Variants in PTPN1 observed in about 807,000 individuals in gnomAD.
PTPN1 encodes the protein protein tyrosine phosphatase non-receptor type 1.
Under a neutral mutation model 59.9 loss-of-function variants are expected in PTPN1, and 12 were observed. That is an observed-to-expected ratio of 0.20 (90% CI 0.13 to 0.32). PTPN1 has a LOEUF of 0.32. PTPN1 is among the 10% of genes least tolerant of loss of function. The pLI, the probability that PTPN1 is intolerant of heterozygous loss-of-function variation, is 1.00. For missense variants in PTPN1, 356 were observed against 549.2 expected, an observed-to-expected ratio of 0.65 and a Z score of 3.52; for synonymous variants, 178 against 203.6, an observed-to-expected ratio of 0.87 and a Z score of 1.07.
chr20:50,564,943 CCT>C lies in PTPN1; in HGVS notation c.155-23_155-22del, dbSNP rs556411617. 103 of 1,612,472 alleles carry C rather than the reference CCT, an allele frequency of 6.4e-5. No homozygotes were observed. The African/African-American group carries it at 1.2e-3, about 18-fold the overall frequency. Reference sequence around the variant, plus strand: ...ACACATTCAGCTTTTCCGGGATTAACCTCTGAGTTCTGGTTTGTCTTTCAGTT... The same window carrying C: ...ACACATTCAGCTTTTCCGGGATTAACCTGAGTTCTGGTTTGTCTTTCAGTT... On this transcript the variant is annotated intron_variant, in intron 2 of 9. Coordinates refer to ENST00000371621, the MANE Select transcript of PTPN1 (RefSeq NM_002827.4).
At chr20:50,567,928 CTG>C (rs2082786798) in intron 3 of PTPN1, among the ~76,000 whole-genome samples, 2 of 152,174 alleles carry the variant, frequency 1.3e-5, no homozygotes, top group African/African-American at 4.8e-5. Flanking sequence ...GATGGGGAAA[CTG>C]GGGCAGGGAG....
At chr20:50,524,066 C>T (rs1394762655) in intron 1 of PTPN1, among the ~76,000 whole-genome samples, 1 of 152,202 alleles carries the variant, frequency 6.6e-6, no homozygotes, top group Non-Finnish European at 1.5e-5. Context: ...TTTTTCCTCT[C>T]TTCCTTTTCA....
At chr20:50,541,688 T>C (rs959781429) in intron 1 of PTPN1, among the ~76,000 whole-genome samples, 1 of 152,084 alleles carries the variant, frequency 6.6e-6, no homozygotes, top group Non-Finnish European at 1.5e-5. Flanking sequence ...GCTTCTGAGG[T>C]TGCTCTAGCC....
Position 50,543,655 on chromosome 20 carries a change from C to T in PTPN1, c.64-17708C>T, listed in dbSNP as rs374520317. On this transcript the variant is annotated intron_variant, in intron 1 of 9. Coordinates refer to ENST00000371621, the MANE Select transcript of PTPN1 (RefSeq NM_002827.4). ...CACCTATTCTCAGCATAGTATGAGA[C>T]GTAAAGGCAATATAATGGGCATAGT... Among the ~76,000 whole-genome samples the T allele has an allele frequency of 1.9e-4, 29 of 152,026 alleles. No individual in the cohort carries two copies. The East Asian group carries it at 4.8e-3, about 25-fold the overall frequency.
At position 50,511,210 on chromosome 20, in the gene PTPN1, G is replaced by A. The variant is rs549177653; in HGVS notation, c.63+620G>A. On this transcript the variant is annotated intron_variant, in intron 1 of 9. Transcript: ENST00000371621. The stretch of plus-strand genomic sequence containing the variant: ...ACAGGCAAGATCCTAGCCTTAGTGG[G>A]GCCTAGAGTCGAATAGGGCAATCAA... Among the ~76,000 whole-genome samples the A allele has an allele frequency of 4.6e-5, 7 of 152,292 alleles. No homozygotes were observed. The East Asian group carries it at 1.4e-3, about 29-fold the overall frequency.
chr20:50,558,355 A>G (rs1050011533), intron 1 of PTPN1, among the ~76,000 whole-genome samples: 3 of 152,230 alleles, frequency 2.0e-5, no homozygotes, highest in Admixed American at 1.3e-4. Flanking sequence ...TACTTAACCC[A>G]GTTCATTCAA....
chr20:50,570,407 A>G (rs1182264173), intron 4 of PTPN1, among the ~76,000 whole-genome samples: 1 of 152,204 alleles, frequency 6.6e-6, no homozygotes, highest in East Asian at 1.9e-4. Flanking sequence ...GAGCTTGCCT[A>G]AGTGTTCTGT....
intron 1 of PTPN1, among the ~76,000 whole-genome samples, chr20:50,559,803 A>G (rs2082743409): frequency 1.3e-5 from 2 of 149,720 alleles, no homozygotes; most frequent in African/African-American, 4.9e-5. Flanking sequence ...TTTCTTTCTG[A>G]GTATATTAAT....
At chr20:50,548,083 T>G (rs1255736787) in intron 1 of PTPN1, among the ~76,000 whole-genome samples, 1 of 152,192 alleles carries the variant, frequency 6.6e-6, no homozygotes, top group Non-Finnish European at 1.5e-5. Context: ...CGTGTCTCAG[T>G]GCTGCTTATT....
intron 8 of PTPN1, among the ~76,000 whole-genome samples, chr20:50,581,050 C>T: frequency 6.6e-6 from 1 of 152,090 alleles, no homozygotes; most frequent in Non-Finnish European, 1.5e-5. Flanking sequence ...TCTGAAGTAC[C>T]TGGGGGAGGG....
intron 1 of PTPN1, among the ~76,000 whole-genome samples, chr20:50,517,429 AT>A (rs1170092425): frequency 1.3e-5 from 2 of 151,558 alleles, no homozygotes; most frequent in Non-Finnish European, 2.9e-5. Context: ...TAATTTTTGT[AT>A]TTTTTTGGAG....
chr20:50,581,564 C>T lies in PTPN1; in HGVS notation c.1284+104C>T. ...AGTTCTGTGGTGCATCTGAGCCAGT[C>T]TCAGAAGAAACAGATCAAAGGTTTT... On this transcript the variant is annotated intron_variant, in intron 9 of 9. Coordinates refer to ENST00000371621, the MANE Select transcript of PTPN1 (RefSeq NM_002827.4). 3.1e-6 allele frequency: 4 copies of T among 1,292,908 alleles called. No homozygotes were observed. In the South Asian group the frequency reaches 6.4e-5, roughly 21 times the overall value. 80.1% of individuals were successfully genotyped at this position (1,292,908 alleles called of 1,614,324 possible). A position where few individuals can be genotyped will look rare whatever the true frequency, so the allele number is the denominator to read the frequency against.
chr20:50,523,473 A>G (rs1343369023), intron 1 of PTPN1, among the ~76,000 whole-genome samples: 1 of 152,070 alleles, frequency 6.6e-6, no homozygotes, highest in East Asian at 1.9e-4. Flanking sequence ...AAAACCAACC[A>G]CTCAGGACCA....
At position 50,510,439 on chromosome 20, in the gene PTPN1, G is replaced by A. The variant is rs897960230; in HGVS notation, c.-89G>A. 1.4e-6 allele frequency: 2 copies of A among 1,406,416 alleles called. No homozygotes were observed. Among genetic ancestry groups the A allele is most frequent in the African/African-American group, 1.5e-5 (1 of 67,918 alleles). The allele number at this position is 1,406,416 out of a possible 1,614,324, so 87.1% of individuals were successfully genotyped here. On this transcript the variant is annotated 5_prime_UTR_variant, in exon 1 of 10. Transcript: ENST00000371621. ...AGCTGCAGGGGTCGGGGATTGCAGC[G>A]GGCCTCGGGGCTAAGAGCGCGACGC...
intron 1 of PTPN1, among the ~76,000 whole-genome samples, chr20:50,519,068 A>G (rs2082540607): frequency 6.6e-6 from 1 of 152,188 alleles, no homozygotes; most frequent in Admixed American, 6.5e-5. Context: ...TAGTGCCATT[A>G]TCAGTATTTT....
chr20:50,535,206 T>G (rs765766448), intron 1 of PTPN1, among the ~76,000 whole-genome samples: 1 of 152,180 alleles, frequency 6.6e-6, no homozygotes, highest in Non-Finnish European at 1.5e-5. Context: ...CTTGAAAACT[T>G]CCATTCCCCA....
intron 1 of PTPN1, among the ~76,000 whole-genome samples, chr20:50,541,236 T>G (rs1407690693): frequency 1.3e-5 from 2 of 152,214 alleles, no homozygotes; most frequent in East Asian, 3.8e-4. Flanking sequence ...TTCTCAAAGT[T>G]GACTTGGTCA....
chr20:50,513,547 T>C (rs1289177597), intron 1 of PTPN1, among the ~76,000 whole-genome samples: 1 of 152,222 alleles, frequency 6.6e-6, no homozygotes, highest in Non-Finnish European at 1.5e-5. Context: ...TTGTGAATGA[T>C]TTGATTGTTT....
intron 1 of PTPN1, among the ~76,000 whole-genome samples, chr20:50,516,666 A>G (rs535847592): frequency 6.6e-6 from 1 of 152,304 alleles, no homozygotes; most frequent in African/African-American, 2.4e-5. Context: ...TGATAAATAG[A>G]GTTCATTTGA....
Sources: gnomAD v4.1 joint callset for allele counts (sites outside exome capture counted in the v4.1 genomes callset) on GRCh38, gnomAD v4.1.1 for gene constraint, MANE v1.5 for transcripts, NCBI Gene and HGNC (gene_info 2026-07-23, HGNC 2026-07-21) for gene names.